PSD3: variants seen among roughly 807,000 people sequenced by gnomAD.
PSD3 encodes PH and SEC7 domain-containing protein 3.
A neutral mutation model predicts 105.5 loss-of-function variants in PSD3; 49 were observed. The observed-to-expected ratio is 0.46, with a 90% confidence interval of 0.37 to 0.59. The LOEUF is 0.59. Ranked by LOEUF, PSD3 falls within the 20% of genes least tolerant of loss-of-function variation. The pLI is 0.00. For missense variants in PSD3, 1,561 were observed against 1,263.8 expected, an observed-to-expected ratio of 1.24 and a Z score of -3.57; for synonymous variants, 557 against 457.8, an observed-to-expected ratio of 1.22 and a Z score of -2.77.
At chr8:18,655,756 C>T in intron 9 of PSD3, 71 bp from the exon 10 acceptor site, 1 of 1,424,514 alleles carries the variant, frequency 7.0e-7, no homozygotes, top group South Asian at 1.2e-5. Context: ...AGCAAATGAC[C>T]AAGTAATTCC....
intron 11 of PSD3, among the ~76,000 whole-genome samples, chr8:18,601,886 T>A (rs1187141444): frequency 6.6e-6 from 1 of 152,174 alleles, no homozygotes; most frequent in Non-Finnish European, 1.5e-5. Context: ...GGGCCTCAGG[T>A]GGCACAGTGT....
chr8:18,940,358 G>A (rs1270137492), intron 1 of PSD3: 1 of 152,250 alleles, frequency 6.6e-6, no homozygotes, highest in Non-Finnish European at 1.5e-5. Context: ...AAGTTCCCTG[G>A]TGACCATGAT....
At chr8:18,913,336 C>T (rs1820371731) in intron 2 of PSD3, among the ~76,000 whole-genome samples, 1 of 151,568 alleles carries the variant, frequency 6.6e-6, no homozygotes, top group African/African-American at 2.4e-5. Context: ...ACTTTGTCAA[C>T]CTGTTCATTT....
intron 2 of PSD3, among the ~76,000 whole-genome samples, chr8:18,922,212 C>A (rs1821066859): frequency 1.3e-5 from 2 of 152,174 alleles, no homozygotes; most frequent in African/African-American, 2.4e-5. Context: ...GATTCTGCAA[C>A]ATCTCAAGGA....
At chr8:18,724,868 T>C (rs1234261795) in intron 9 of PSD3, among the ~76,000 whole-genome samples, 1 of 152,086 alleles carries the variant, frequency 6.6e-6, no homozygotes, top group Middle Eastern at 3.2e-3. Flanking sequence ...GAGAAATATG[T>C]GGTCAAAGAA....
chr8:18,709,578 A>ACAGCAGAGTTCTGG (rs1306724499), intron 9 of PSD3, among the ~76,000 whole-genome samples: 1 of 152,194 alleles, frequency 6.6e-6, no homozygotes, highest in Non-Finnish European at 1.5e-5. Context: ...GACACCTCAT[A>ACAGCAGAGTTCTGG]CAGCAGAGTT....
intron 2 of PSD3, among the ~76,000 whole-genome samples, chr8:18,932,209 A>G (rs1563434933): frequency 6.6e-6 from 1 of 152,200 alleles, no homozygotes; most frequent in Admixed American, 6.5e-5. Flanking sequence ...CCTATTTTAC[A>G]GATGAAGAAA....
In PSD3 at chr8:18,806,817, T is replaced by C. The variant is rs193194745; in HGVS notation, c.1635-1919A>G. On this transcript the variant is annotated intron_variant, in intron 4 of 15. Transcript: ENST00000327040. The stretch of plus-strand genomic sequence containing the variant: ...ATTTACTGTCTAAACCAGGACACTC[T>C]AAAGGGGAAACGGAGATAATAAATC... Among the ~76,000 whole-genome samples, 216 of 152,292 alleles carry C rather than the reference T, an allele frequency of 1.4e-3. 1 individual carries two copies. Among genetic ancestry groups the C allele is most frequent in the Non-Finnish European group, 1.8e-3 (121 of 68,030 alleles).
At chr8:18,967,383 G>C (rs751330028) in intron 1 of PSD3, among the ~76,000 whole-genome samples, 4 of 151,984 alleles carry the variant, frequency 2.6e-5, no homozygotes, top group Non-Finnish European at 5.9e-5. Flanking sequence ...TCAAACTCCC[G>C]ATCTAAGGTG....
chr8:18,978,712 A>G (rs1421269179), intron 1 of PSD3, among the ~76,000 whole-genome samples: 1 of 152,190 alleles, frequency 6.6e-6, no homozygotes, highest in East Asian at 1.9e-4. Context: ...TGCAGCAGAC[A>G]CTGCTTCAGA....
chr8:18,601,721 T>C (rs772017538), intron 11 of PSD3, among the ~76,000 whole-genome samples: 6 of 152,222 alleles, frequency 3.9e-5, no homozygotes, highest in Admixed American at 1.3e-4. Flanking sequence ...ATTTCCGTTA[T>C]AAAGCAAAAA....
rs576748782 is a variant in PSD3, at chr8:18,913,649, C to A, written c.130+22385G>T. Among the ~76,000 whole-genome samples the A allele has an allele frequency of 1.3e-4, 20 of 152,246 alleles. No homozygotes were observed. The South Asian group carries it at 3.9e-3, about 30-fold the overall frequency. ...AGGCCCATCCCTAGGGACCCAGTCT[C>A]CAGGCAGGACCAGTGCCAGCGGACT... On this transcript the variant is annotated intron_variant, in intron 2 of 15. Coordinates refer to ENST00000327040, the MANE Select transcript of PSD3 (RefSeq NM_015310.4).
intron 6 of PSD3, among the ~76,000 whole-genome samples, chr8:18,803,984 C>T (rs1358217307): frequency 6.6e-6 from 1 of 152,098 alleles, no homozygotes; most frequent in Non-Finnish European, 1.5e-5. Flanking sequence ...AGAAAAACTC[C>T]TACAGATGGC....
chr8:18,826,350 A>C (rs1208829684), intron 4 of PSD3, among the ~76,000 whole-genome samples: 2 of 152,194 alleles, frequency 1.3e-5, no homozygotes, highest in Non-Finnish European at 2.9e-5. Flanking sequence ...CTATTGATTC[A>C]ATTTCTCTGG....
intron 11 of PSD3, among the ~76,000 whole-genome samples, chr8:18,608,162 G>A (rs1475388935): frequency 6.6e-6 from 1 of 152,154 alleles, no homozygotes; most frequent in Non-Finnish European, 1.5e-5. Flanking sequence ...TGAGGCTGCA[G>A]TGAGCCATGA....
chr8:19,005,785 G>A (rs1048462851), intron 1 of PSD3, among the ~76,000 whole-genome samples: 2 of 151,904 alleles, frequency 1.3e-5, no homozygotes, highest in African/African-American at 4.8e-5. Flanking sequence ...CACTGTGCCT[G>A]GCCTGGGCTG....
At chr8:18,821,780 A>G (rs1378816879) in intron 4 of PSD3, among the ~76,000 whole-genome samples, 1 of 141,618 alleles carries the variant, frequency 7.1e-6, no homozygotes, top group East Asian at 2.2e-4. Flanking sequence ...GCTTCAAATA[A>G]TAATTTTGAT....
At chr8:18,712,822 A>T (rs1429670733) in intron 9 of PSD3, among the ~76,000 whole-genome samples, 3 of 152,182 alleles carry the variant, frequency 2.0e-5, no homozygotes, top group Admixed American at 6.5e-5. Flanking sequence ...CCTGGCAGAG[A>T]TATAACAAAA....
intron 14 of PSD3, among the ~76,000 whole-genome samples, chr8:18,561,283 T>A (rs1457747837): frequency 6.6e-6 from 1 of 152,196 alleles, no homozygotes; most frequent in Non-Finnish European, 1.5e-5. Flanking sequence ...CAATGGAGTA[T>A]TATTTATTCA....
Sources: gnomAD v4.1 joint callset for allele counts (sites outside exome capture counted in the v4.1 genomes callset) on GRCh38, gnomAD v4.1.1 for gene constraint, MANE v1.5 for transcripts, NCBI Gene and HGNC (gene_info 2026-07-23, HGNC 2026-07-21) for gene names.